The following OPCML variants were observed in gnomAD, a reference collection of about 807,000 sequenced individuals.
The protein encoded by OPCML is opioid-binding protein/cell adhesion molecule.
In OPCML, 13 loss-of-function variants were observed where a neutral mutation model predicts 37.8. That is an observed-to-expected ratio of 0.34 (90% CI 0.22 to 0.55). The LOEUF (loss-of-function observed/expected upper bound fraction) is 0.55, where lower values mean the gene tolerates loss of function less well. Among genes scored for constraint, OPCML ranks in the 20% least tolerant of loss-of-function variants. The pLI is 0.91. For missense variants in OPCML, 341 were observed against 435.6 expected (o/e 0.78, Z 1.93); for synonymous variants, 176 against 168.8 (o/e 1.04, Z -0.33).
At chr11:133,398,280 G>A (rs896953643) in intron 1 of OPCML, among the ~76,000 whole-genome samples, 3 of 152,148 alleles carry the variant, frequency 2.0e-5, no homozygotes, top group Admixed American at 6.5e-5. Context: ...AGCTGTCCTG[G>A]GACTGCCCAA....
At chr11:132,686,235 G>T (rs1226295920) in intron 2 of OPCML, among the ~76,000 whole-genome samples, 2 of 152,156 alleles carry the variant, frequency 1.3e-5, no homozygotes, top group East Asian at 3.9e-4. Flanking sequence ...GCCTTTGGGG[G>T]ACATGACAAT....
At position 133,174,162 on chromosome 11, in the gene OPCML, C is replaced by G. The variant is rs79860538; in HGVS notation, c.62-231152G>C. ...TGTGTCTTCCCTTCCCTCTCATTCT[C>G]CACCTTCTTTGGCACAAAGAAATGC... On this transcript the variant is annotated intron_variant, in intron 1 of 7. Coordinates refer to ENST00000524381, the MANE Select transcript of OPCML (RefSeq NM_001012393.5). This position sits in a 1 kb window ranked among gnomAD's most constrained non-coding sequence, Gnocchi z 4.6. Among the ~76,000 whole-genome samples, 17,759 of 152,214 alleles carry G rather than the reference C, an allele frequency of 0.12. 1,194 individuals are homozygous for G. Among genetic ancestry groups the G allele is most frequent in the Non-Finnish European group, 0.12 (8,062 of 68,024 alleles).
At chr11:132,620,971 T>A (rs545779619) in intron 3 of OPCML, among the ~76,000 whole-genome samples, 1 of 152,278 alleles carries the variant, frequency 6.6e-6, no homozygotes, top group South Asian at 2.1e-4. Flanking sequence ...CCAGCTACAA[T>A]GGCAGAGGTA....
intron 1 of OPCML, chr11:133,007,486 ATG>A: frequency 2.0e-6 from 2 of 985,490 alleles, no homozygotes; most frequent in Non-Finnish European, 2.4e-6. Context: ...TAATTTGTTA[ATG>A]AACCTGTCCT....
chr11:132,483,934 T>G (rs1183416364), intron 4 of OPCML, among the ~76,000 whole-genome samples: 3 of 152,106 alleles, frequency 2.0e-5, no homozygotes, highest in Non-Finnish European at 4.4e-5. Flanking sequence ...GATTAAAGAC[T>G]TAAATGTTAG....
intron 3 of OPCML, among the ~76,000 whole-genome samples, chr11:132,541,539 A>C (rs1394262408): frequency 3.3e-5 from 5 of 150,370 alleles, no homozygotes; most frequent in Admixed American, 2.0e-4. Context: ...TTTTGCCAGC[A>C]ACTCTCATTT....
intron 2 of OPCML, among the ~76,000 whole-genome samples, chr11:132,897,729 C>A (rs1212431356): frequency 6.6e-6 from 1 of 152,150 alleles, no homozygotes; most frequent in Non-Finnish European, 1.5e-5. Flanking sequence ...GGCAGTGCAC[C>A]TGGTTGTGCA....
chr11:133,314,107 C>T (rs796664976), intron 1 of OPCML, among the ~76,000 whole-genome samples: 21 of 147,264 alleles, frequency 1.4e-4, no homozygotes, highest in African/African-American at 4.4e-4. Context: ...TAGTGGCGGG[C>T]GCCTGTAGTC....
At position 132,694,917 on chromosome 11, in the gene OPCML, G is replaced by A. The variant is rs933967004; in HGVS notation, c.147-37598C>T. ...GCAAGACTTAGAAACTATAGACTACGTATGATAGAGAGAAAGGAAAGATGA... is the reference window on the plus strand; with the variant it reads ...GCAAGACTTAGAAACTATAGACTACATATGATAGAGAGAAAGGAAAGATGA... On this transcript the variant is annotated intron_variant, in intron 2 of 7. Transcript: ENST00000524381. 1.5e-4 allele frequency among the ~76,000 whole-genome samples: 23 copies of A among 152,020 alleles called. No homozygotes were observed. In the South Asian group the frequency reaches 2.9e-3, roughly 19 times the overall value.
chr11:133,334,238 A>G (rs1943691560), intron 1 of OPCML, among the ~76,000 whole-genome samples: 1 of 152,220 alleles, frequency 6.6e-6, no homozygotes, highest in African/African-American at 2.4e-5. Flanking sequence ...CGTGGAATCA[A>G]CCTAAATGCC....
rs749099654 is a variant in OPCML, at chr11:132,441,158, C to CTTTTTTTTTTTTTTTTTT, written c.506-3800_506-3799insAAAAAAAAAAAAAAAAAA. ...ATTCTGAAGATGTGTTCACCAAGGA[C>CTTTTTTTTTTTTTTTTTT]TTTTTTGTTTTTTTTTTTTTTTTTT... On this transcript the variant is annotated intron_variant, in intron 4 of 7. Transcript: ENST00000524381. Among the ~76,000 whole-genome samples the CTTTTTTTTTTTTTTTTTT allele has an allele frequency of 1.5e-3, 160 of 108,036 alleles. 27 individuals carry two copies. Among genetic ancestry groups the CTTTTTTTTTTTTTTTTTT allele is most frequent in the African/African-American group, 4.7e-3 (106 of 22,756 alleles). 70.9% of individuals were successfully genotyped at this position (108,036 alleles called of 152,430 possible).
chr11:132,886,679 G>GC (rs1943434223), intron 2 of OPCML, among the ~76,000 whole-genome samples: 1 of 152,194 alleles, frequency 6.6e-6, no homozygotes. Context: ...TCCATACCGG[G>GC]TTCAGGAAAA....
At chr11:132,668,451 G>A (rs547656530) in intron 2 of OPCML, among the ~76,000 whole-genome samples, 1 of 152,308 alleles carries the variant, frequency 6.6e-6, no homozygotes, top group East Asian at 1.9e-4. Context: ...TTGTGCATCT[G>A]TGAAGTGGGA....
rs191684843 is a variant in OPCML, at chr11:133,406,408, T to C, written c.61+125856A>G. 2.3e-4 allele frequency among the ~76,000 whole-genome samples: 35 copies of C among 152,074 alleles called. No individual in the cohort carries two copies. The East Asian group carries it at 6.4e-3, about 28-fold the overall frequency. On this transcript the variant is annotated intron_variant, in intron 1 of 7. Transcript: ENST00000524381. ...AGAACCAGGCAGAGACCAGAAAAGA[T>C]AGAGAAAAGAGAAACTGTGTTAAGC...
intron 1 of OPCML, among the ~76,000 whole-genome samples, chr11:133,069,362 G>A (rs1428633555): frequency 1.3e-5 from 2 of 152,176 alleles, no homozygotes; most frequent in South Asian, 2.1e-4. Context: ...AATTACTCAT[G>A]TTTTAGTGCT....
At chr11:132,826,382 CTT>C (rs1011926605) in intron 2 of OPCML, among the ~76,000 whole-genome samples, 29 of 152,312 alleles carry the variant, frequency 1.9e-4, no homozygotes, top group African/African-American at 6.7e-4. Context: ...CTTCTGAACT[CTT>C]AGTCTGCCAG....
chr11:132,498,696 C>A (rs75462573), intron 4 of OPCML, among the ~76,000 whole-genome samples: 9,262 of 143,420 alleles, frequency 0.065, 369 homozygotes, highest in Middle Eastern at 0.11. Context: ...GAATTCCTGG[C>A]TCTTAGGCAT....
chr11:133,218,282 A>C (rs912308879), intron 1 of OPCML, among the ~76,000 whole-genome samples: 2 of 152,156 alleles, frequency 1.3e-5, no homozygotes, highest in African/African-American at 2.4e-5. Context: ...GGGTCTGTCA[A>C]GTTCCCGAGA....
intron 1 of OPCML, among the ~76,000 whole-genome samples, chr11:133,017,303 G>A (rs1947351955): frequency 6.6e-6 from 1 of 152,062 alleles, no homozygotes; most frequent in African/African-American, 2.4e-5. Flanking sequence ...TGTGATATCT[G>A]GGGGAATACA....
Sources: gnomAD v4.1 joint callset for allele counts (sites outside exome capture counted in the v4.1 genomes callset) on GRCh38, gnomAD v4.1.1 for gene constraint, Gnocchi (gnomAD v3.1) non-coding constraint, MANE v1.5 for transcripts, NCBI Gene and HGNC (gene_info 2026-07-23, HGNC 2026-07-21) for gene names.